The following MGAT4C variants were observed in gnomAD, a reference collection of about 807,000 sequenced individuals.
MGAT4C encodes the protein MGAT4 family member C, also known as alpha-1,3-mannosyl-glycoprotein 4-beta-N-acetylglucosaminyltransferase C.
MGAT4C carries 19 observed loss-of-function variants against 40.1 expected under a neutral mutation model. The ratio of observed to expected loss-of-function variants is 0.47; its 90% CI spans 0.33 to 0.70. MGAT4C has a LOEUF of 0.70. MGAT4C is among the 30% of genes least tolerant of loss of function. The pLI, the probability that MGAT4C is intolerant of heterozygous loss-of-function variation, is 0.02. For missense variants in MGAT4C, 491 were observed against 563.2 expected, an observed-to-expected ratio of 0.87 and a Z score of 1.30; for synonymous variants, 181 against 187.1, an observed-to-expected ratio of 0.97 and a Z score of 0.27.
intron 2 of MGAT4C, among the ~76,000 whole-genome samples, chr12:86,477,792 G>A (rs1003138195): frequency 4.6e-5 from 7 of 151,840 alleles, no homozygotes; most frequent in Non-Finnish European, 4.4e-5. Context: ...TCCCCTTCCT[G>A]CGTCCAAGTG....
intron 4 of MGAT4C, among the ~76,000 whole-genome samples, chr12:86,305,739 C>T (rs1411767508): frequency 6.7e-6 from 1 of 150,204 alleles, no homozygotes; most frequent in Non-Finnish European, 1.5e-5. Flanking sequence ...ATTTAGAATA[C>T]CTAATACAAT....
chr12:86,289,787 G>T (rs1421332592), intron 4 of MGAT4C, among the ~76,000 whole-genome samples: 2 of 151,946 alleles, frequency 1.3e-5, no homozygotes, highest in Non-Finnish European at 2.9e-5. Context: ...GTGTTATTTT[G>T]CTTTACTATT....
chr12:86,779,104 T>C (rs1055082010), intron 1 of MGAT4C, among the ~76,000 whole-genome samples: 6 of 152,010 alleles, frequency 3.9e-5, no homozygotes, highest in African/African-American at 1.4e-4. Flanking sequence ...AGCTTAGCTG[T>C]CAGGAATTAC....
chr12:86,057,178 T>C (rs1419463941), intron 1 of MGAT4C, among the ~76,000 whole-genome samples: 1 of 152,072 alleles, frequency 6.6e-6, no homozygotes, highest in Non-Finnish European at 1.5e-5. Context: ...TTACTAATTA[T>C]TATTATTTTC....
At chr12:86,363,910 A>C (rs1955535359) in intron 3 of MGAT4C, among the ~76,000 whole-genome samples, 1 of 152,000 alleles carries the variant, frequency 6.6e-6, no homozygotes, top group Non-Finnish European at 1.5e-5. Flanking sequence ...ACTTATAGTG[A>C]ATAAACCAAT....
Position 85,967,600 on chromosome 12 carries a change from G to A in MGAT4C, c.*11689C>T, listed in dbSNP as rs1423678857. The A allele has an allele frequency of 6.6e-6, 1 of 151,946 alleles. No individual in the cohort carries two copies. Among genetic ancestry groups the A allele is most frequent in the Non-Finnish European group, 1.5e-5 (1 of 67,948 alleles). 9.4% of individuals were successfully genotyped at this position (151,946 alleles called of 1,614,324 possible). On this transcript the variant is annotated 3_prime_UTR_variant, in exon 5 of 5. Transcript: ENST00000611864. Reference sequence around the variant, plus strand: ...GAGGTGTATCCATTTATTTAAAAAAGCCTCATTTTAGCTAGCAACACTATG... The same window carrying A: ...GAGGTGTATCCATTTATTTAAAAAAACCTCATTTTAGCTAGCAACACTATG...
At chr12:86,500,740 C>G (rs1410624035) in intron 2 of MGAT4C, among the ~76,000 whole-genome samples, 4 of 151,872 alleles carry the variant, frequency 2.6e-5, no homozygotes, top group African/African-American at 9.7e-5. Flanking sequence ...GTTTATATAA[C>G]TTTGTTTCAT....
chr12:86,135,833 C>A (rs1021049625), intron 1 of MGAT4C, among the ~76,000 whole-genome samples: 1 of 152,150 alleles, frequency 6.6e-6, no homozygotes, highest in Non-Finnish European at 1.5e-5. Flanking sequence ...TGATCAATAA[C>A]CTCTAATTCC....
chr12:86,538,085 T>G (rs1959104919), intron 2 of MGAT4C, among the ~76,000 whole-genome samples: 1 of 151,890 alleles, frequency 6.6e-6, no homozygotes, highest in Admixed American at 6.6e-5. Flanking sequence ...AGACTCCATC[T>G]CAATAAATAA....
At chr12:86,597,300 C>T (rs546072914) in intron 2 of MGAT4C, among the ~76,000 whole-genome samples, 1 of 152,302 alleles carries the variant, frequency 6.6e-6, no homozygotes, top group African/African-American at 2.4e-5. Flanking sequence ...CCAATTCCCA[C>T]CATATTAGCT....
chr12:86,271,064 C>A (rs866032972), intron 4 of MGAT4C, among the ~76,000 whole-genome samples: 7 of 152,004 alleles, frequency 4.6e-5, no homozygotes, highest in Non-Finnish European at 8.8e-5. Context: ...ACAAAAAATA[C>A]TAAAAGAAAA....
intron 2 of MGAT4C, among the ~76,000 whole-genome samples, chr12:86,591,861 A>G (rs1452690443): frequency 6.6e-6 from 1 of 151,890 alleles, no homozygotes; most frequent in Non-Finnish European, 1.5e-5. Flanking sequence ...AGTTTCTCAA[A>G]TGGTAAATTA....
At chr12:86,250,119 AC>A (rs755946889) in intron 1 of MGAT4C, among the ~76,000 whole-genome samples, 2 of 152,136 alleles carry the variant, frequency 1.3e-5, no homozygotes, top group African/African-American at 2.4e-5. Context: ...AAGGGAAAAT[AC>A]CTTAGTGGAA....
intron 1 of MGAT4C, among the ~76,000 whole-genome samples, chr12:86,192,452 T>A (rs1889622890): frequency 6.6e-6 from 1 of 152,094 alleles, no homozygotes; most frequent in East Asian, 1.9e-4. Context: ...CTGCCTTCCC[T>A]GAGGAAATTA....
At chr12:86,622,927 A>G (rs1367324599) in intron 2 of MGAT4C, among the ~76,000 whole-genome samples, 2 of 152,152 alleles carry the variant, frequency 1.3e-5, no homozygotes, top group Non-Finnish European at 2.9e-5. Flanking sequence ...TGAGAAAATT[A>G]AACATAAACA....
intron 2 of MGAT4C, among the ~76,000 whole-genome samples, chr12:86,562,716 C>T (rs765719717): frequency 1.2e-4 from 19 of 152,094 alleles, no homozygotes; most frequent in African/African-American, 4.6e-4. Flanking sequence ...AGGTGCACTA[C>T]ACTCCAAAAC....
At chr12:86,332,650 T>G (rs1163854134) in intron 4 of MGAT4C, among the ~76,000 whole-genome samples, 2 of 151,948 alleles carry the variant, frequency 1.3e-5, no homozygotes, top group Non-Finnish European at 2.9e-5. Context: ...AAAGGTTTTT[T>G]TTTGTGTGTG....
chr12:86,498,283 A>T (rs576116476), intron 2 of MGAT4C, among the ~76,000 whole-genome samples: 1 of 151,736 alleles, frequency 6.6e-6, no homozygotes, highest in East Asian at 1.9e-4. Context: ...TTGACCCTTG[A>T]ACAACAGAGG....
intron 2 of MGAT4C, among the ~76,000 whole-genome samples, chr12:86,552,026 C>CAAAAAAAAAAAAAAAAACA (rs201076856): frequency 1.6e-5 from 1 of 60,626 alleles, no homozygotes; most frequent in Non-Finnish European, 3.4e-5. Flanking sequence ...TTAAAAAAAG[C>CAAAAAAAAAAAAAAAAACA]AAAAAAAAAA....
Sources: gnomAD v4.1 joint callset for allele counts (sites outside exome capture counted in the v4.1 genomes callset) on GRCh38, gnomAD v4.1.1 for gene constraint, MANE v1.5 for transcripts, NCBI Gene and HGNC (gene_info 2026-07-23, HGNC 2026-07-21) for gene names.